Variants in MSRA observed in about 807,000 individuals in gnomAD.
MSRA encodes mitochondrial peptide methionine sulfoxide reductase.
MSRA carries 54 observed loss-of-function variants against 31.3 expected under a neutral mutation model. The ratio of observed to expected loss-of-function variants is 1.73; its 90% CI spans 1.39 to 2.17. The LOEUF (loss-of-function observed/expected upper bound fraction) is 2.17. MSRA is among the 30% of genes most tolerant of loss of function. The pLI is 0.00. For synonymous variants in MSRA, 169 were observed against 116.5 expected, an observed-to-expected ratio of 1.45 and a Z score of -2.90; for missense variants, 507 against 300.9, an observed-to-expected ratio of 1.69 and a Z score of -5.07.
intron 5 of MSRA, among the ~76,000 whole-genome samples, chr8:10,418,829 AAAAAAAAAACCAAC>A (rs1585737663): frequency 1.2e-5 from 1 of 85,070 alleles, no homozygotes; most frequent in Admixed American, 2.1e-4. Context: ...AAAAAAAAAA[AAAAAAAAAACCAAC>A]AAAAAAAAAA....
chr8:10,300,708 G>A (rs1331196606), intron 3 of MSRA, among the ~76,000 whole-genome samples: 1 of 152,112 alleles, frequency 6.6e-6, no homozygotes, highest in Admixed American at 6.5e-5. Flanking sequence ...CTACACATAA[G>A]GTGACTGAAA....
chr8:10,244,183 A>G (rs1305288074), intron 2 of MSRA, among the ~76,000 whole-genome samples: 1 of 152,252 alleles, frequency 6.6e-6, no homozygotes, highest in Non-Finnish European at 1.5e-5. Flanking sequence ...GTAACTTCAT[A>G]AAGCCATATA....
intron 5 of MSRA, 51 bp from the exon 6 acceptor site, chr8:10,428,097 G>T: frequency 8.3e-6 from 13 of 1,575,470 alleles, no homozygotes; most frequent in Non-Finnish European, 1.1e-5. Flanking sequence ...CCCCTCGCAG[G>T]TGCTGTCTCT....
At chr8:10,310,888 A>G (rs903566753) in intron 4 of MSRA, among the ~76,000 whole-genome samples, 6 of 152,266 alleles carry the variant, frequency 3.9e-5, no homozygotes, top group African/African-American at 1.2e-4. Context: ...TGTGATGTCC[A>G]TTACAATTTT....
intron 5 of MSRA, among the ~76,000 whole-genome samples, chr8:10,365,533 CT>C: frequency 6.6e-6 from 1 of 152,180 alleles, no homozygotes; most frequent in Non-Finnish European, 1.5e-5. Context: ...GGGGAAGGGA[CT>C]AGCATTTGAT....
intron 4 of MSRA, among the ~76,000 whole-genome samples, chr8:10,302,177 A>G (rs1257120615): frequency 6.6e-6 from 1 of 152,242 alleles, no homozygotes; most frequent in East Asian, 1.9e-4. Context: ...GGAATTTGTT[A>G]TGTGGAGATA....
Position 10,091,759 on chromosome 8 carries a change from A to G in MSRA, c.142+37101A>G, listed in dbSNP as rs368503481. 3.9e-4 allele frequency among the ~76,000 whole-genome samples: 60 copies of G among 152,168 alleles called. 1 individual carries two copies. In the Middle Eastern group the frequency reaches 0.024, roughly 60 times the overall value. On this transcript the variant is annotated intron_variant, in intron 1 of 5. Transcript: ENST00000317173. ...GTAGCTGGGATTAAAGATGCGTGCC[A>G]CCACACCCCGCTAATTTTTGTAGTT...
chr8:10,178,811 G>T (rs1806288738), intron 1 of MSRA, among the ~76,000 whole-genome samples: 1 of 152,176 alleles, frequency 6.6e-6, no homozygotes, highest in African/African-American at 2.4e-5. Context: ...ACTAGATAAA[G>T]AGGCAGGGAA....
At chr8:10,219,033 C>T (rs1810250220) in intron 2 of MSRA, among the ~76,000 whole-genome samples, 1 of 152,148 alleles carries the variant, frequency 6.6e-6, no homozygotes. Context: ...AGGTTTGAGT[C>T]CTGACCCTCA....
intron 1 of MSRA, among the ~76,000 whole-genome samples, chr8:10,181,537 G>A (rs550820365): frequency 1.3e-5 from 2 of 152,024 alleles, no homozygotes; most frequent in African/African-American, 2.4e-5. Context: ...AGACTGAAAT[G>A]TATCCTAAAA....
chr8:10,294,857 G>A (rs1394214811), intron 3 of MSRA, among the ~76,000 whole-genome samples: 1 of 152,090 alleles, frequency 6.6e-6, no homozygotes, highest in East Asian at 1.9e-4. Flanking sequence ...CGGGACCAGG[G>A]CCGGCTTGGG....
chr8:10,230,937 A>G (rs188354563), intron 2 of MSRA, among the ~76,000 whole-genome samples: 3 of 152,262 alleles, frequency 2.0e-5, no homozygotes, highest in African/African-American at 7.2e-5. Flanking sequence ...AGTATGTGCC[A>G]CCACGCCTGG....
At chr8:10,292,950 C>A (rs1306280994) in intron 3 of MSRA, among the ~76,000 whole-genome samples, 1 of 152,138 alleles carries the variant, frequency 6.6e-6, no homozygotes, top group Non-Finnish European at 1.5e-5. Flanking sequence ...CCAAGGGCTC[C>A]TGTAGGCCCC....
chr8:10,057,346 G>C (rs921892270), intron 1 of MSRA, among the ~76,000 whole-genome samples: 3 of 152,140 alleles, frequency 2.0e-5, no homozygotes, highest in African/African-American at 7.2e-5. Context: ...CTGAGAACTT[G>C]GGAATGAGGG....
intron 2 of MSRA, among the ~76,000 whole-genome samples, chr8:10,224,769 C>G (rs914900208): frequency 6.6e-6 from 1 of 152,240 alleles, no homozygotes; most frequent in African/African-American, 2.4e-5. Context: ...ATCTTGGTCA[C>G]TAGAAAGATT....
chr8:10,332,855 C>T (rs944096500), intron 5 of MSRA, among the ~76,000 whole-genome samples: 5 of 152,292 alleles, frequency 3.3e-5, no homozygotes, highest in East Asian at 3.9e-4. Context: ...TGTGTGCATC[C>T]GCATTTGGGC....
At position 10,393,569 on chromosome 8, in the gene MSRA, G is replaced by A. The variant is rs184133487; in HGVS notation, c.544-34579G>A. Among the ~76,000 whole-genome samples, 108 of 152,310 alleles carry A rather than the reference G, an allele frequency of 7.1e-4. 1 individual carries two copies. The East Asian group carries it at 0.014, about 20-fold the overall frequency. The stretch of plus-strand genomic sequence containing the variant: ...GCCCAGGTATTGCAGCTGGACGGCT[G>A]CCTGGCAGCCATATCAACATGGGAT... On this transcript the variant is annotated intron_variant, in intron 5 of 5. Coordinates refer to ENST00000317173, the MANE Select transcript of MSRA (RefSeq NM_012331.5).
chr8:10,173,616 G>C (rs971597547), intron 1 of MSRA, among the ~76,000 whole-genome samples: 2 of 152,126 alleles, frequency 1.3e-5, no homozygotes, highest in African/African-American at 4.8e-5. Context: ...CACTCCTTGG[G>C]CCCCATGCCC....
At chr8:10,330,204 T>TACACACACACAC (rs149601196) in intron 5 of MSRA, among the ~76,000 whole-genome samples, 399 of 107,958 alleles carry the variant, frequency 3.7e-3, no homozygotes, top group African/African-American at 0.013. Flanking sequence ...TTAAATGTGA[T>TACACACACACAC]ATACACACAC....
Sources: allele counts gnomAD v4.1 joint callset (sites outside exome capture counted in the v4.1 genomes callset), GRCh38; gene constraint gnomAD v4.1.1; transcripts MANE v1.5; gene names NCBI Gene and HGNC (gene_info 2026-07-23, HGNC 2026-07-21).